Variants in METTL25 observed in about 807,000 individuals in gnomAD.
The protein encoded by METTL25 is methyltransferase like 25.
A neutral mutation model predicts 71.6 loss-of-function variants in METTL25; 64 were observed. The observed-to-expected ratio is 0.89, with a 90% CI of 0.73 to 1.10. The LOEUF (loss-of-function observed/expected upper bound fraction) is 1.10. Ranked by LOEUF, METTL25 falls within the 50% of genes least tolerant of loss-of-function variation. The probability of loss-of-function intolerance (pLI) is 0.00; values close to 1 mark genes in which losing one functional copy is unlikely to be tolerated. For synonymous variants in METTL25, 287 were observed against 250.3 expected (o/e 1.15, Z -1.38); for missense variants, 807 against 707.0 (o/e 1.14, Z -1.60).
intron 9 of METTL25, among the ~76,000 whole-genome samples, chr12:82,475,320 C>A (rs934571098): frequency 6.6e-6 from 1 of 152,094 alleles, no homozygotes; most frequent in Non-Finnish European, 1.5e-5. Flanking sequence ...TTTGCTCCAG[C>A]AGGGACTCAT....
At chr12:82,470,190 TTTC>T (rs1892488053) in intron 9 of METTL25, among the ~76,000 whole-genome samples, 1 of 152,218 alleles carries the variant, frequency 6.6e-6, no homozygotes. Context: ...TTCATGATTA[TTTC>T]TTATTTCTAT....
chr12:82,425,944 T>G (rs1888976149), intron 5 of METTL25, among the ~76,000 whole-genome samples: 1 of 152,060 alleles, frequency 6.6e-6, no homozygotes, highest in African/African-American at 2.4e-5. Flanking sequence ...AGAAGAGACT[T>G]CATCTATTCC....
At chr12:82,456,869 A>G (rs1380535898) in intron 9 of METTL25, 49 bp downstream of exon 9, 3 of 895,510 alleles carry the variant, frequency 3.4e-6, no homozygotes, top group Non-Finnish European at 4.9e-6. Context: ...AAGAACTTCT[A>G]TTTTGTAATG....
chr12:82,461,130 A>C (rs1041618307), intron 9 of METTL25, among the ~76,000 whole-genome samples: 9 of 152,188 alleles, frequency 5.9e-5, no homozygotes, highest in Non-Finnish European at 1.3e-4. Flanking sequence ...GTGACAGAGC[A>C]AGACTCCGTC....
In METTL25 at chr12:82,476,491, T is replaced by C. The variant is rs1415592281; in HGVS notation, c.1573-153T>C. The C allele has an allele frequency of 8.4e-6, 5 of 592,466 alleles. No individual in the cohort carries two copies. The East Asian group carries it at 1.5e-4, about 18-fold the overall frequency. 36.7% of individuals were successfully genotyped at this position (592,466 alleles called of 1,614,324 possible). On this transcript the variant is annotated intron_variant, in intron 9 of 11. Transcript: ENST00000248306. ...AAATTTTAAGTAATTTAGAGTTATC[T>C]TGACTTGCTTCATGAATATCCTTAG... is the stretch of plus-strand genomic sequence containing the variant.
At chr12:82,386,205 C>G (rs1467515388) in intron 1 of METTL25, among the ~76,000 whole-genome samples, 1 of 152,120 alleles carries the variant, frequency 6.6e-6, no homozygotes, top group South Asian at 2.1e-4. Flanking sequence ...ACCCCGCCCC[C>G]CTGCCACAAG....
At chr12:82,437,869 GGTT>G (rs1280901375) in intron 7 of METTL25, among the ~76,000 whole-genome samples, 1 of 151,488 alleles carries the variant, frequency 6.6e-6, no homozygotes, top group Admixed American at 6.6e-5. Flanking sequence ...ATGCAAGCTG[GGTT>G]GTTGTTGCTG....
At chr12:82,447,349 T>C (rs1890830390) in intron 8 of METTL25, among the ~76,000 whole-genome samples, 1 of 152,120 alleles carries the variant, frequency 6.6e-6, no homozygotes, top group Non-Finnish European at 1.5e-5. Context: ...AAAAAACTCA[T>C]TAATAGAAGA....
intron 5 of METTL25, among the ~76,000 whole-genome samples, chr12:82,430,324 A>AAC (rs201247922): frequency 8.5e-5 from 1 of 11,828 alleles, no homozygotes; most frequent in Non-Finnish European, 2.1e-4. Context: ...TTTGTTGTAA[A>AAC]ACAGGTGCAA....
chr12:82,383,134 G>A (rs1884604810), intron 1 of METTL25, among the ~76,000 whole-genome samples: 1 of 152,014 alleles, frequency 6.6e-6, no homozygotes, highest in Non-Finnish European at 1.5e-5. Context: ...CTGCCAGAGG[G>A]AATACTTGCC....
At chr12:82,385,839 C>T (rs1202580555) in intron 1 of METTL25, among the ~76,000 whole-genome samples, 3 of 152,056 alleles carry the variant, frequency 2.0e-5, no homozygotes, top group African/African-American at 4.8e-5. Context: ...AGGAATGTTC[C>T]GTCTTGACAC....
At position 82,478,984 on chromosome 12, in the gene METTL25, C is replaced by T; in HGVS notation, c.1772C>T (p.Pro591Leu). The change falls in exon 12 of 12, where the codon CCC (proline) becomes CTC (leucine). Residue 591 changes from proline to leucine, a missense_variant. Physicochemically the swap from Pro to Leu is moderately conservative, Grantham distance 98. Coordinates refer to ENST00000248306, the MANE Select transcript of METTL25 (RefSeq NM_032230.3). ...AAGTTGTTTGATCCCGTGAAATCTC[C>T]CAGATGTTATGCTGTTATTGCCCTG... ...LVKLFDPVKS[P>L]RCYAVIALKK... 1 of 1,612,726 alleles carries T rather than the reference C, an allele frequency of 6.2e-7. No homozygotes were observed. Among genetic ancestry groups the T allele is most frequent in the East Asian group, 2.2e-5 (1 of 44,770 alleles).
At chr12:82,465,649 A>AT (rs1339796803) in intron 9 of METTL25, among the ~76,000 whole-genome samples, 1 of 151,870 alleles carries the variant, frequency 6.6e-6, no homozygotes, top group African/African-American at 2.4e-5. Flanking sequence ...CTACACTTTA[A>AT]TTTTTTGCAA....
chr12:82,445,081 C>G (rs1218968279), intron 8 of METTL25, among the ~76,000 whole-genome samples: 1 of 151,988 alleles, frequency 6.6e-6, no homozygotes, highest in East Asian at 1.9e-4. Context: ...AAAAGCAAAA[C>G]CCAAGTGCAA....
intron 1 of METTL25, among the ~76,000 whole-genome samples, chr12:82,381,534 A>G (rs1219241466): frequency 6.6e-6 from 1 of 152,230 alleles, no homozygotes; most frequent in Non-Finnish European, 1.5e-5. Context: ...AATGTTTTCT[A>G]GCACATAATT....
At chr12:82,393,407 CT>C (rs898249837) in intron 3 of METTL25, among the ~76,000 whole-genome samples, 1 of 151,700 alleles carries the variant, frequency 6.6e-6, no homozygotes, top group Admixed American at 6.6e-5. Context: ...GATTACTTTC[CT>C]GTTTTCCTTT....
chr12:82,434,596 T>A, intron 6 of METTL25, 99 bp from the exon 7 acceptor site: 1 of 925,414 alleles, frequency 1.1e-6, no homozygotes, highest in South Asian at 1.4e-5. Context: ...ACATAATTAA[T>A]CTTTCTAAAT....
chr12:82,397,087 C>T (rs1471855272), intron 3 of METTL25, among the ~76,000 whole-genome samples: 2 of 151,986 alleles, frequency 1.3e-5, no homozygotes, highest in African/African-American at 4.8e-5. Context: ...TTTGTGTGGA[C>T]ATGTTTTCAT....
At chr12:82,437,943 A>C (rs1337910040) in intron 7 of METTL25, among the ~76,000 whole-genome samples, 1 of 151,666 alleles carries the variant, frequency 6.6e-6, no homozygotes, top group Non-Finnish European at 1.5e-5. Flanking sequence ...GGATGTGCAT[A>C]GGGTTTTGGT....
Sources: gnomAD v4.1 joint callset for allele counts (sites outside exome capture counted in the v4.1 genomes callset) on GRCh38, gnomAD v4.1.1 for gene constraint, MANE v1.5 for transcripts, NCBI Gene and HGNC (gene_info 2026-07-23, HGNC 2026-07-21) for gene names.